Variants in CASQ2 observed in about 807,000 individuals in gnomAD.
CASQ2 encodes calsequestrin-2.
In CASQ2, 49 loss-of-function variants were observed where a neutral mutation model predicts 46.5. The ratio of observed to expected loss-of-function variants is 1.05; its 90% CI spans 0.84 to 1.34. The LOEUF is 1.34. Ranked by LOEUF, CASQ2 falls within the 40% of genes most tolerant of loss-of-function variation. The pLI is 0.00. For synonymous variants in CASQ2, 174 were observed against 168.5 expected (o/e 1.03, Z -0.25); for missense variants, 486 against 481.3 (o/e 1.01, Z -0.09).
At chr1:115,747,685 A>G (rs1320072499) in intron 1 of CASQ2, among the ~76,000 whole-genome samples, 3 of 152,206 alleles carry the variant, frequency 2.0e-5, no homozygotes, top group African/African-American at 7.2e-5. Flanking sequence ...CAAGTCTGGC[A>G]CACATTTTGT....
intron 1 of CASQ2, among the ~76,000 whole-genome samples, chr1:115,761,863 T>C (rs1277675557): frequency 6.6e-6 from 1 of 152,122 alleles, no homozygotes; most frequent in Non-Finnish European, 1.5e-5. Context: ...CTCTAAATAT[T>C]ATTGGAAAGT....
intron 10 of CASQ2, 88 bp from the exon 11 acceptor site, chr1:115,701,514 T>C (rs1032890829): frequency 9.6e-5 from 82 of 852,466 alleles, no homozygotes; most frequent in Middle Eastern, 4.5e-4. Context: ...CTATGCTGAG[T>C]GCCCCCCGAC....
At chr1:115,713,721 C>A (rs1385096656) in intron 8 of CASQ2, among the ~76,000 whole-genome samples, 1 of 152,216 alleles carries the variant, frequency 6.6e-6, no homozygotes, top group African/African-American at 2.4e-5. Context: ...TCACCTCCGC[C>A]TGCTCTGCCT....
chr1:115,730,511 G>GAATT (rs560217897), intron 5 of CASQ2, among the ~76,000 whole-genome samples: 35 of 152,240 alleles, frequency 2.3e-4, no homozygotes, highest in African/African-American at 7.7e-4. Context: ...GTGAATGACT[G>GAATT]AATTAATTAA....
intron 6 of CASQ2, among the ~76,000 whole-genome samples, chr1:115,726,226 C>A (rs1233546241): frequency 6.6e-6 from 1 of 152,182 alleles, no homozygotes; most frequent in Admixed American, 6.5e-5. Context: ...CCAGTGAGTC[C>A]ACTACCATGT....
rs1410296625 is a variant in CASQ2 at position 115,723,493 on chromosome 1, A to G, written c.783+2015T>C. 2.6e-5 allele frequency among the ~76,000 whole-genome samples: 4 copies of G among 152,334 alleles called. No homozygotes were observed. The East Asian group carries it at 5.8e-4, about 22-fold the overall frequency. ...AACAATTTAAAAAATACTATTTTAA[A>G]GCACTATTATATCTTTTTGCTATTA... On this transcript the variant is annotated intron_variant, in intron 7 of 10. Transcript: ENST00000261448.
At chr1:115,754,248 A>G (rs1229774697) in intron 1 of CASQ2, among the ~76,000 whole-genome samples, 2 of 152,176 alleles carry the variant, frequency 1.3e-5, no homozygotes, top group Non-Finnish European at 2.9e-5. Flanking sequence ...ATGGGGTTCA[A>G]GCGAGTATCG....
At chr1:115,729,035 C>CTTTTTTTTTTTTTTTT (rs753965730) in intron 5 of CASQ2, among the ~76,000 whole-genome samples, 1 of 68,834 alleles carries the variant, frequency 1.5e-5, no homozygotes, top group Non-Finnish European at 2.7e-5. Context: ...CTCTTTCATT[C>CTTTTTTTTTTTTTTTT]TTTTTTTTTT....
At chr1:115,755,573 C>A (rs2101114182) in intron 1 of CASQ2, among the ~76,000 whole-genome samples, 1 of 152,290 alleles carries the variant, frequency 6.6e-6, no homozygotes, top group African/African-American at 2.4e-5. Flanking sequence ...GGAACCTGTT[C>A]CTGCTTGGCT....
At chr1:115,766,632 G>A (rs1649140213) in intron 1 of CASQ2, among the ~76,000 whole-genome samples, 2 of 152,134 alleles carry the variant, frequency 1.3e-5, no homozygotes, top group South Asian at 4.1e-4. Context: ...CTGACTTCAA[G>A]GTCTGTGTTC....
rs1557783672 is a variant in CASQ2, at chr1:115,701,274, A to G, written c.1167T>C (p.Asp389=). The G allele has an allele frequency of 2.5e-6, 4 of 1,603,308 alleles. No homozygotes were observed. Among genetic ancestry groups the G allele is most frequent in the Non-Finnish European group, 3.4e-6 (4 of 1,170,274 alleles). ...DDDDDNSDEE[D]NDDSDDDDDE Reference sequence around the variant, plus strand: ...CATCATCGTCATCACTGTCATCATTATCCTCTTCATCAGAATTATCATCAT... The same window carrying G: ...CATCATCGTCATCACTGTCATCATTGTCCTCTTCATCAGAATTATCATCAT... Residue 389 remains aspartate (D), a synonymous_variant, in exon 11 of 11, where the codon GAT becomes GAC. Transcript: ENST00000261448.
At chr1:115,758,672 G>T (rs1284113313) in intron 1 of CASQ2, among the ~76,000 whole-genome samples, 1 of 152,184 alleles carries the variant, frequency 6.6e-6, no homozygotes, top group East Asian at 1.9e-4. Flanking sequence ...ATTAGTTCCT[G>T]CTAGAGTTCC....
intron 1 of CASQ2, among the ~76,000 whole-genome samples, chr1:115,767,750 A>G (rs1649179461): frequency 6.6e-6 from 1 of 152,180 alleles, no homozygotes; most frequent in African/African-American, 2.4e-5. Flanking sequence ...AAAAAATCAC[A>G]TAAATGAATA....
chr1:115,726,914 C>T (rs1647612211), intron 6 of CASQ2, 78 bp downstream of exon 6: 1 of 1,232,056 alleles, frequency 8.1e-7, no homozygotes, highest in African/African-American at 1.5e-5. Context: ...CTTGGCAGGT[C>T]TGAAATGTTA....
chr1:115,722,896 A>G (rs1265979162), intron 7 of CASQ2, among the ~76,000 whole-genome samples: 2 of 152,060 alleles, frequency 1.3e-5, no homozygotes, highest in Non-Finnish European at 2.9e-5. Flanking sequence ...AAAAACACAA[A>G]AACTAGCCAG....
chr1:115,754,698 C>T (rs1168826993), intron 1 of CASQ2, among the ~76,000 whole-genome samples: 4 of 152,204 alleles, frequency 2.6e-5, no homozygotes, highest in African/African-American at 9.6e-5. Context: ...ATACCTGGGC[C>T]TCTGAGGGAC....
chr1:115,709,606 A>C (rs563738988), intron 8 of CASQ2, among the ~76,000 whole-genome samples: 273 of 152,292 alleles, frequency 1.8e-3, no homozygotes, highest in Non-Finnish European at 3.0e-3. Context: ...TCAAAATCAG[A>C]AGAGACCCCC....
Position 115,719,078 on chromosome 1 carries a change from C to T in CASQ2, c.784-1184G>A, listed in dbSNP as rs113576619. ...CCATTTCAATTGATTTTAATGCTGGCGCAATCCTATCTAAATGCTAATTTT... is the reference window on the plus strand; with the variant it reads ...CCATTTCAATTGATTTTAATGCTGGTGCAATCCTATCTAAATGCTAATTTT... On this transcript the variant is annotated intron_variant, in intron 7 of 10. Transcript: ENST00000261448. Among the ~76,000 whole-genome samples, 8 of 152,206 alleles carry T rather than the reference C, an allele frequency of 5.3e-5. No homozygotes were observed. The East Asian group carries it at 7.7e-4, about 15-fold the overall frequency.
chr1:115,703,407 G>T (rs1308046348), intron 9 of CASQ2, among the ~76,000 whole-genome samples: 1 of 152,120 alleles, frequency 6.6e-6, no homozygotes, highest in Non-Finnish European at 1.5e-5. Flanking sequence ...TAAGAAGAAG[G>T]CTTCTTCATT....
Sources: allele counts gnomAD v4.1 joint callset (sites outside exome capture counted in the v4.1 genomes callset), GRCh38; gene constraint gnomAD v4.1.1; transcripts MANE v1.5; gene names NCBI Gene and HGNC (gene_info 2026-07-23, HGNC 2026-07-21).